Variants in PTPN23 observed in about 807,000 individuals in gnomAD.
PTPN23 encodes tyrosine-protein phosphatase non-receptor type 23.
In PTPN23, 72 loss-of-function variants were observed where a neutral mutation model predicts 156.3. The ratio of observed to expected loss-of-function variants is 0.46; its 90% CI spans 0.38 to 0.56. PTPN23 has a LOEUF of 0.56. Among genes scored for constraint, PTPN23 ranks in the 20% least tolerant of loss-of-function variants. The pLI is 0.00. For missense variants in PTPN23, 1,974 were observed against 2,171.5 expected (o/e 0.91, Z 1.81); for synonymous variants, 957 against 899.6 (o/e 1.06, Z -1.14).
At position 47,405,299 on chromosome 3, in the gene PTPN23, T is replaced by A; in HGVS notation, c.364+218T>A. The A allele has an allele frequency of 5.1e-6, 3 of 589,204 alleles. No homozygotes were observed. The highest frequency in any genetic ancestry group is 9.1e-6 in the Non-Finnish European group (3 of 329,582). The allele number at this position is 589,204 out of a possible 1,614,324, so 36.5% of individuals were successfully genotyped here. A position where few individuals can be genotyped will look rare whatever the true frequency, so the allele number is the denominator to read the frequency against. The stretch of plus-strand genomic sequence containing the variant: ...TGGGGCGAGGCTCTACTGGGCTGGC[T>A]GCCACACAGAGTTGCCACTGTGTGC... On this transcript the variant is annotated intron_variant, in intron 4 of 24. Transcript: ENST00000265562. This position sits in a 1 kb window ranked among gnomAD's most constrained non-coding sequence, Gnocchi z 4.7.
Position 47,407,133 on chromosome 3 carries a change from G to A in PTPN23, c.811G>A (p.Ala271Thr), listed in dbSNP as rs1469841180. The change falls in exon 10 of 25, where the codon GCA (alanine) becomes ACA (threonine). Residue 271 changes from alanine to threonine, a missense_variant. Ala to Thr is a moderately conservative substitution (Grantham distance 58). Transcript: ENST00000265562. The surrounding 1 kb of genome is among the most constrained non-coding windows in gnomAD (Gnocchi z 4.0). ...EEQQKFGERV[A>T]YFQSALDKLN... Reference sequence around the variant, plus strand: ...GCTTTCCTGCCACCCTCCACAGGTTGCATACTTCCAGAGCGCCCTGGACAA... The same window carrying A: ...GCTTTCCTGCCACCCTCCACAGGTTACATACTTCCAGAGCGCCCTGGACAA... 1.9e-6 allele frequency: 3 copies of A among 1,614,012 alleles called. No homozygotes were observed. In the African/African-American group the frequency reaches 4.0e-5, roughly 22 times the overall value.
intron 2 of PTPN23, among the ~76,000 whole-genome samples, chr3:47,403,197 T>C (rs558382497): frequency 1.8e-3 from 270 of 151,716 alleles, no homozygotes; most frequent in African/African-American, 5.1e-3. Flanking sequence ...GGTCTACAGG[T>C]GCCTGCCACC....
rs565413425 is a variant in PTPN23, at chr3:47,412,824, T to C, written c.4550T>C (p.Val1517Ala). The C allele has an allele frequency of 9.9e-6, 16 of 1,613,416 alleles. No homozygotes were observed. In the East Asian group the frequency reaches 1.3e-4, roughly 13 times the overall value. Residue 1517 changes from valine (V) to alanine (A), a missense_variant, in exon 25 of 25, where the codon GTT (valine) becomes GCT (alanine). This residue lies in a region of PTPN23 where 484 missense variants were observed against 516.0 expected (regional missense o/e 0.94). Transcript: ENST00000265562. The stretch of plus-strand genomic sequence containing the variant: ...CCTCCTGGGGGGTTGGAGTCCCCGG[T>C]TGCCAGCTTGCCAGGCCCTGCAGAG... ...IRPPGGLESP[V>A]ASLPGPAEPP...
chr3:47,390,815 C>A (rs905348014), intron 1 of PTPN23, among the ~76,000 whole-genome samples: 1 of 152,132 alleles, frequency 6.6e-6, no homozygotes, highest in African/African-American at 2.4e-5. Context: ...ATTTTCTGTG[C>A]CTGTTTTTCA....
chr3:47,409,380 C>A, intron 17 of PTPN23, 37 bp from the exon 18 acceptor site: 1 of 1,613,644 alleles, frequency 6.2e-7, no homozygotes, highest in Non-Finnish European at 8.5e-7. Context: ...GAGTCGAGGC[C>A]CTGAGTGTCC....
chr3:47,413,329 T>A lies in PTPN23; in HGVS notation c.*144T>A. The A allele has an allele frequency of 2.6e-6, 3 of 1,172,572 alleles. No homozygotes were observed. The highest frequency in any genetic ancestry group is 2.4e-6 in the Non-Finnish European group (2 of 831,966). 72.6% of individuals were successfully genotyped at this position (1,172,572 alleles called of 1,614,324 possible). The stretch of plus-strand genomic sequence containing the variant: ...CCCTGCCTGGCCCAGCCTGCACCCC[T>A]GTGGGGTGGAAATGTACTGCAGGCT... On this transcript the variant is annotated 3_prime_UTR_variant, in exon 25 of 25. Transcript: ENST00000265562.
Position 47,411,281 on chromosome 3 carries a change from G to T in PTPN23, c.3483G>T (p.Glu1161Asp). The T allele has an allele frequency of 6.2e-7, 1 of 1,611,602 alleles. No individual in the cohort carries two copies. The highest frequency in any genetic ancestry group is 8.5e-7 in the Non-Finnish European group (1 of 1,179,972). Residue 1161 changes from glutamate (E) to aspartate (D), a missense_variant, in exon 20 of 25, where the codon GAG becomes GAT. Glu to Asp is a conservative substitution (Grantham distance 45, BLOSUM62 2). This residue lies in a region of PTPN23 where 731 missense variants were observed against 669.1 expected (regional missense o/e 1.09). Transcript: ENST00000265562. This position sits in a 1 kb window ranked among gnomAD's most constrained non-coding sequence, Gnocchi z 6.3. ...GGCCGCAGGCCCTGCGGCTGATTGA[G>T]CGGGACCCCTATGAGCATCCTGAGA... is the stretch of plus-strand genomic sequence containing the variant. ...GRRPQALRLI[E>D]RDPYEHPERL...
In PTPN23 at chr3:47,412,215, A is replaced by C; in HGVS notation, c.4178+17A>C. 6.2e-7 allele frequency: 1 copy of C among 1,613,216 alleles called. No individual in the cohort carries two copies. The highest frequency in any genetic ancestry group is 8.5e-7 in the Non-Finnish European group (1 of 1,179,996). Reference sequence around the variant, plus strand: ...GCACTGCAGGTAGAGGGTGGGCCTGAGGGTCTCTCCTCTATGGGCTCTTGG... The same window carrying C: ...GCACTGCAGGTAGAGGGTGGGCCTGCGGGTCTCTCCTCTATGGGCTCTTGG... On this transcript the variant is annotated intron_variant, in intron 22 of 24. Transcript: ENST00000265562.
At chr3:47,400,183 A>C (rs1426007652) in intron 2 of PTPN23, among the ~76,000 whole-genome samples, 1 of 152,206 alleles carries the variant, frequency 6.6e-6, no homozygotes, top group African/African-American at 2.4e-5. Flanking sequence ...ATAATCTTTC[A>C]GTGAAAAAGT....
At chr3:47,395,944 G>A (rs1353483870) in intron 1 of PTPN23, among the ~76,000 whole-genome samples, 199 bp from the exon 2 acceptor site, 1 of 147,912 alleles carries the variant, frequency 6.8e-6, no homozygotes, top group African/African-American at 2.5e-5. Context: ...CTGCCAGAGT[G>A]TTGGTGCAGG....
rs371335405 is a variant in PTPN23 at position 47,410,317 on chromosome 3, A to T, written c.2519A>T (p.Gln840Leu). ...ELGLVPRSSP[Q>L]HGVVSSPYVG... ...GGCCTTGTGCCCCGATCCTCCCCAC[A>T]GCATGGCGTGGTGAGCAGTCCCTAT... Residue 840 changes from glutamine (Q) to leucine (L), a missense_variant, in exon 20 of 25, where the codon CAG becomes CTG. This residue lies in a region of PTPN23 where 731 missense variants were observed against 669.1 expected (regional missense o/e 1.09). Transcript: ENST00000265562. 6 of 1,605,408 alleles carry T rather than the reference A, an allele frequency of 3.7e-6. No homozygotes were observed. In the African/African-American group the frequency reaches 8.0e-5, roughly 22 times the overall value.
In PTPN23 at chr3:47,411,335, G is replaced by A. The variant is rs1188621499; in HGVS notation, c.3537G>A (p.Glu1179=). Reference sequence around the variant, plus strand: ...TGCGGCAGTTGCAGCAGGAGCTGGAGGCCTTTCGGGGTCAGCTGGGGGATG... The same window carrying A: ...TGCGGCAGTTGCAGCAGGAGCTGGAAGCCTTTCGGGGTCAGCTGGGGGATG... The part of the protein sequence containing the change: ...ERLRQLQQEL[E]AFRGQLGDVG... Residue 1179 remains glutamate, a synonymous_variant, in exon 20 of 25, where the codon GAG becomes GAA. Coordinates refer to ENST00000265562, the MANE Select transcript of PTPN23 (RefSeq NM_015466.4). This position sits in a 1 kb window ranked among gnomAD's most constrained non-coding sequence, Gnocchi z 6.3. The A allele has an allele frequency of 5.0e-6, 8 of 1,612,918 alleles. No homozygotes were observed. In the Middle Eastern group the frequency reaches 6.6e-4, roughly 133 times the overall value.
At position 47,381,131 on chromosome 3, in the gene PTPN23, T is replaced by C; in HGVS notation, c.35T>C (p.Leu12Pro). 6.3e-7 allele frequency: 1 copy of C among 1,591,378 alleles called. No individual in the cohort carries two copies. Among genetic ancestry groups the C allele is most frequent in the African/African-American group, 1.3e-5 (1 of 74,380 alleles). ...GTGCCCCGCATGCCCATGATCTGGCTGGACCTGAAGGAGGCCGGTGACTTT... is the reference window on the plus strand; with the variant it reads ...GTGCCCCGCATGCCCATGATCTGGCCGGACCTGAAGGAGGCCGGTGACTTT... The part of the protein sequence containing the change: ...EAVPRMPMIW[L>P]DLKEAGDFHF... The change falls in exon 1 of 25, where the codon CTG becomes CCG. Residue 12 changes from leucine to proline, a missense_variant. By Grantham distance (98) the Leu-to-Pro change is moderately conservative. Transcript: ENST00000265562.
At chr3:47,387,485 G>C (rs536959261) in intron 1 of PTPN23, among the ~76,000 whole-genome samples, 28 of 151,698 alleles carry the variant, frequency 1.8e-4, no homozygotes, top group Admixed American at 1.8e-3. Flanking sequence ...AGGCTGAGGT[G>C]GGGGGTATGG....
Position 47,407,262 on chromosome 3 carries a change from C to T in PTPN23, c.865-47C>T. On this transcript the variant is annotated intron_variant, in intron 10 of 24. Coordinates refer to ENST00000265562, the MANE Select transcript of PTPN23 (RefSeq NM_015466.4). The surrounding 1 kb of genome is among the most constrained non-coding windows in gnomAD (Gnocchi z 4.0). The stretch of plus-strand genomic sequence containing the variant: ...TAGGACTGAGGGGGTGTCCTGGTGC[C>T]AGCCTTGGTTAGTGCTAAGGCCCCA... 1 of 1,613,604 alleles carries T rather than the reference C, an allele frequency of 6.2e-7. No homozygotes were observed. Among genetic ancestry groups the T allele is most frequent in the Non-Finnish European group, 8.5e-7 (1 of 1,179,660 alleles).
At chr3:47,382,789 C>T (rs1434632106) in intron 1 of PTPN23, among the ~76,000 whole-genome samples, 6 of 146,090 alleles carry the variant, frequency 4.1e-5, no homozygotes, top group African/African-American at 1.5e-4. Flanking sequence ...CCCGGGTTCA[C>T]GCCATTCTCC....
chr3:47,389,666 C>G (rs898739027), intron 1 of PTPN23, among the ~76,000 whole-genome samples: 2 of 152,054 alleles, frequency 1.3e-5, no homozygotes, highest in African/African-American at 4.8e-5. Context: ...CGGTGAATCC[C>G]CGTCTCCACT....
Position 47,411,836 on chromosome 3 carries a change from TGCCCTGA to T in PTPN23, c.3946_3952del (p.Leu1316TrpfsTer3), listed in dbSNP as rs1438634378. ...AGAGGGGCCAGCCCATGGTGCACGG[TGCCCTGA>T]GCCTGGCATTGAGCAGCGTCCGCAG... On this transcript the variant is annotated frameshift_variant, in exon 21 of 25. Coordinates refer to ENST00000265562, the MANE Select transcript of PTPN23 (RefSeq NM_015466.4). LOFTEE classifies it high-confidence loss of function. This position sits in a 1 kb window ranked among gnomAD's most constrained non-coding sequence, Gnocchi z 6.3. 1 of 1,610,712 alleles carries T rather than the reference TGCCCTGA, an allele frequency of 6.2e-7. No individual in the cohort carries two copies. The highest frequency in any genetic ancestry group is 8.5e-7 in the Non-Finnish European group (1 of 1,179,426).
At chr3:47,404,407 CTTTTT>C (rs10647488) in intron 2 of PTPN23, among the ~76,000 whole-genome samples, 1 of 140,644 alleles carries the variant, frequency 7.1e-6, no homozygotes, top group Non-Finnish European at 1.5e-5. Flanking sequence ...GAATGAGACT[CTTTTT>C]TTTTTTTTTT....
Sources: allele counts gnomAD v4.1 joint callset (sites outside exome capture counted in the v4.1 genomes callset), GRCh38; gene constraint gnomAD v4.1.1; regional missense constraint gnomAD v4.1.1; non-coding constraint Gnocchi (gnomAD v3.1); transcripts MANE v1.5; gene names NCBI Gene and HGNC (gene_info 2026-07-23, HGNC 2026-07-21).